The following DMRT1 variants were observed in gnomAD, a reference collection of about 807,000 sequenced individuals.
The protein encoded by DMRT1 is doublesex and mab-3 related transcription factor 1, also known as doublesex- and mab-3-related transcription factor 1.
Under a neutral mutation model 32.3 loss-of-function variants are expected in DMRT1, and 7 were observed. That is an observed-to-expected ratio of 0.22 (90% CI 0.12 to 0.41). The LOEUF (loss-of-function observed/expected upper bound fraction) is 0.41, where lower values mean the gene tolerates loss of function less well. Among genes scored for constraint, DMRT1 ranks in the 10% least tolerant of loss-of-function variants. The pLI is 1.00. For synonymous variants in DMRT1, 278 were observed against 206.1 expected, an observed-to-expected ratio of 1.35 and a Z score of -2.99; for missense variants, 625 against 500.5, an observed-to-expected ratio of 1.25 and a Z score of -2.37.
At chr9:892,195 T>G (rs16925372) in intron 2 of DMRT1, among the ~76,000 whole-genome samples, 4,463 of 152,310 alleles carry the variant, frequency 0.029, 88 homozygotes, top group African/African-American at 0.048. Context: ...CACCACAGCC[T>G]GCTTGCTCTG....
intron 2 of DMRT1, among the ~76,000 whole-genome samples, chr9:867,686 T>A (rs935567377): frequency 2.6e-5 from 4 of 152,328 alleles, no homozygotes; most frequent in African/African-American, 9.6e-5. Flanking sequence ...CCCATGCTCA[T>A]GCCCTACATC....
intron 4 of DMRT1, among the ~76,000 whole-genome samples, chr9:924,087 T>C (rs55759454): frequency 2.0e-4 from 13 of 65,572 alleles, no homozygotes; most frequent in Admixed American, 3.1e-4. Context: ...TTTTTTTTTT[T>C]TCCACCTGGA....
intron 3 of DMRT1, among the ~76,000 whole-genome samples, chr9:903,604 G>A (rs1272285711): frequency 1.3e-5 from 2 of 152,216 alleles, no homozygotes; most frequent in Admixed American, 1.3e-4. Flanking sequence ...GGAGGGTGAT[G>A]GTGGGAAGTT....
chr9:866,624 G>C (rs112637200), intron 2 of DMRT1, among the ~76,000 whole-genome samples: 1 of 152,198 alleles, frequency 6.6e-6, no homozygotes, highest in Non-Finnish European at 1.5e-5. Flanking sequence ...ACGTTATTGG[G>C]CTGATACACT....
chr9:967,952 CT>C, intron 4 of DMRT1, 32 bp from the exon 5 acceptor site: 1 of 1,573,986 alleles, frequency 6.4e-7, no homozygotes, highest in Non-Finnish European at 8.6e-7. Flanking sequence ...CCCTTTCTCC[CT>C]TTCTCTCTTT....
chr9:880,286 A>C (rs956383302), intron 2 of DMRT1, among the ~76,000 whole-genome samples: 86 of 152,234 alleles, frequency 5.6e-4, no homozygotes, highest in Non-Finnish European at 2.2e-4. Context: ...GTTTTTAAAA[A>C]GACGTGTACT....
intron 2 of DMRT1, among the ~76,000 whole-genome samples, chr9:861,722 G>C (rs1192295179): frequency 6.6e-6 from 1 of 151,432 alleles, no homozygotes; most frequent in East Asian, 2.0e-4. Flanking sequence ...CGGCTGGCCG[G>C]GCAGGGGCTG....
At chr9:910,720 G>A (rs1817943384) in intron 3 of DMRT1, among the ~76,000 whole-genome samples, 1 of 152,012 alleles carries the variant, frequency 6.6e-6, no homozygotes, top group South Asian at 2.1e-4. Context: ...AACACCATGA[G>A]CATCCTCCAC....
chr9:843,823 T>A (rs1277079856), intron 1 of DMRT1, among the ~76,000 whole-genome samples: 1 of 152,250 alleles, frequency 6.6e-6, no homozygotes, highest in Non-Finnish European at 1.5e-5. Flanking sequence ...TTTTTACAAA[T>A]GTGTTTTATA....
intron 3 of DMRT1, among the ~76,000 whole-genome samples, chr9:916,441 G>A (rs1818185366): frequency 6.6e-6 from 1 of 151,980 alleles, no homozygotes. Context: ...AGCAGCCACG[G>A]CTCACTACAG....
At chr9:929,464 G>T (rs1818636252) in intron 4 of DMRT1, among the ~76,000 whole-genome samples, 1 of 152,006 alleles carries the variant, frequency 6.6e-6, no homozygotes, top group Non-Finnish European at 1.5e-5. Context: ...CTCTTATTTT[G>T]ATTGATGTTG....
intron 2 of DMRT1, among the ~76,000 whole-genome samples, chr9:860,422 G>GA (rs1815607264): frequency 6.6e-6 from 1 of 152,110 alleles, no homozygotes; most frequent in African/African-American, 2.4e-5. Flanking sequence ...ATCTCTGCTG[G>GA]AGAGTTTGCT....
chr9:880,629 G>A lies in DMRT1; in HGVS notation c.539-13283G>A, dbSNP rs144861632. Among the ~76,000 whole-genome samples the A allele has an allele frequency of 4.2e-3, 641 of 151,490 alleles. 6 individuals are homozygous for A. The highest frequency in any genetic ancestry group is 0.015 in the African/African-American group (620 of 41,202). On this transcript the variant is annotated intron_variant, in intron 2 of 4. Transcript: ENST00000382276. ...TAATCCCAGCCATTCAGGAGGCTGA[G>A]GCAGGAGAATTGCTTGAACCTGGGA...
intron 4 of DMRT1, among the ~76,000 whole-genome samples, chr9:937,167 G>A (rs1818914841): frequency 6.6e-6 from 1 of 152,190 alleles, no homozygotes. Context: ...GTTGTGGCAT[G>A]TGTCAGACCC....
intron 2 of DMRT1, among the ~76,000 whole-genome samples, chr9:853,378 T>A (rs1475122758): frequency 6.6e-6 from 1 of 152,210 alleles, no homozygotes. Flanking sequence ...GTCCTAAAAA[T>A]TCTCTGTGGG....
chr9:942,421 G>A (rs553538713), intron 4 of DMRT1, among the ~76,000 whole-genome samples: 3 of 152,106 alleles, frequency 2.0e-5, no homozygotes, highest in Admixed American at 6.5e-5. Flanking sequence ...CTACAGGCGC[G>A]TGCCACCACA....
At chr9:947,352 G>C (rs190476601) in intron 4 of DMRT1, among the ~76,000 whole-genome samples, 1 of 152,268 alleles carries the variant, frequency 6.6e-6, no homozygotes, top group African/African-American at 2.4e-5. Context: ...GTGGCCCAGG[G>C]AAGCCAAAAG....
At chr9:869,641 C>G (rs774370394) in intron 2 of DMRT1, among the ~76,000 whole-genome samples, 1 of 152,126 alleles carries the variant, frequency 6.6e-6, no homozygotes, top group Non-Finnish European at 1.5e-5. Context: ...TCTCTTTGAT[C>G]TTTTATAATT....
chr9:874,927 C>T (rs1816430779), intron 2 of DMRT1, among the ~76,000 whole-genome samples: 1 of 151,346 alleles, frequency 6.6e-6, no homozygotes, highest in Non-Finnish European at 1.5e-5. Flanking sequence ...CTTGCCTCAG[C>T]CTCTTGAGTA....
Sources: allele counts gnomAD v4.1 joint callset (sites outside exome capture counted in the v4.1 genomes callset), GRCh38; gene constraint gnomAD v4.1.1; transcripts MANE v1.5; gene names NCBI Gene and HGNC (gene_info 2026-07-23, HGNC 2026-07-21).